The following SH3BGRL variants were observed in gnomAD, a reference collection of about 807,000 sequenced individuals.
SH3BGRL encodes the protein adapter SH3BGRL.
In SH3BGRL, 7 loss-of-function variants were observed where a neutral mutation model predicts 9.8. That is an observed-to-expected ratio of 0.72 (90% confidence interval 0.41 to 1.35). The LOEUF (loss-of-function observed/expected upper bound fraction) is 1.35, where lower values mean the gene tolerates loss of function less well. Among genes scored for constraint, SH3BGRL ranks in the 40% most tolerant of loss-of-function variants. SH3BGRL has a pLI of 0.01. For missense variants in SH3BGRL, 73 were observed against 84.4 expected (o/e 0.86, Z 0.53); for synonymous variants, 36 against 29.1 (o/e 1.24, Z -0.76).
At chrX:81,258,626 T>C (rs1377826425) in intron 1 of SH3BGRL, among the ~76,000 whole-genome samples, 2 of 112,515 alleles carry the variant, frequency 1.8e-5, no homozygotes, top group Non-Finnish European at 3.8e-5. Context: ...GGGAGAATTA[T>C]CTTCTCTTCA....
chrX:81,272,187 A>G (rs1350596960), intron 1 of SH3BGRL, among the ~76,000 whole-genome samples: 1 of 58,372 alleles, frequency 1.7e-5, no homozygotes, highest in African/African-American at 6.7e-5. Context: ...ACAGAGTGAG[A>G]CTGCGTCCAA....
intron 1 of SH3BGRL, among the ~76,000 whole-genome samples, chrX:81,249,990 T>C (rs1195322388): frequency 9.0e-6 from 1 of 110,962 alleles, no homozygotes; most frequent in African/African-American, 3.3e-5. Flanking sequence ...TAAAATAAAT[T>C]TAAAAAATAT....
In SH3BGRL at chrX:81,210,846, C is replaced by A. The variant is rs141499533; in HGVS notation, c.45+8601C>A. 3.7e-3 allele frequency among the ~76,000 whole-genome samples: 419 copies of A among 112,093 alleles called. 1 individual carries two copies. The highest frequency in any genetic ancestry group is 0.012 in the African/African-American group (381 of 30,820). On this transcript the variant is annotated intron_variant, in intron 1 of 3. Transcript: ENST00000373212. ...TAGCAATACGTGGTCTATAGAAATA[C>A]TAAGGATAATTCTGGTGGTCTGTTA...
At chrX:81,235,803 A>G (rs141918825) in intron 1 of SH3BGRL, among the ~76,000 whole-genome samples, 407 of 111,468 alleles carry the variant, frequency 3.7e-3, no homozygotes, top group African/African-American at 0.012. Context: ...ACATAACTCA[A>G]TCAACTAACT....
At chrX:81,209,077 G>A (rs1446430394) in intron 1 of SH3BGRL, among the ~76,000 whole-genome samples, 3 of 100,878 alleles carry the variant, frequency 3.0e-5, no homozygotes. Context: ...GCATGATCTT[G>A]GCTCACTGCA....
At chrX:81,225,865 A>G (rs893003209) in intron 1 of SH3BGRL, among the ~76,000 whole-genome samples, 29 of 112,029 alleles carry the variant, frequency 2.6e-4, no homozygotes, top group Admixed American at 5.7e-4. Context: ...TTGGCAGTAC[A>G]TTATTTCTTC....
At chrX:81,276,931 C>T in intron 1 of SH3BGRL, 53 bp from the exon 2 acceptor site, 1 of 1,058,333 alleles carries the variant, frequency 9.4e-7, no homozygotes, top group Non-Finnish European at 1.3e-6. Flanking sequence ...AGCTCACAAA[C>T]ATTTGACTTT....
At chrX:81,223,462 T>C (rs1485759406) in intron 1 of SH3BGRL, among the ~76,000 whole-genome samples, 1 of 111,306 alleles carries the variant, frequency 9.0e-6, no homozygotes, top group African/African-American at 3.3e-5. Flanking sequence ...ACTGATAAAA[T>C]ACTCAACTCT....
At chrX:81,237,236 A>G (rs1339599599) in intron 1 of SH3BGRL, 3 of 348,094 alleles carry the variant, frequency 8.6e-6, no homozygotes, top group Non-Finnish European at 1.1e-5. Context: ...TTTAACAACT[A>G]TCTACATGCA....
At position 81,297,251 on chromosome X, in the gene SH3BGRL, A is replaced by G. The variant is rs1193901146; in HGVS notation, c.*24A>G. 1 of 1,164,542 alleles carries G rather than the reference A, an allele frequency of 8.6e-7. No homozygotes were observed. The highest frequency in any genetic ancestry group is 1.2e-6 in the Non-Finnish European group (1 of 856,972). ...GAACCTTAAGCACTGTGCTTTAAGC[A>G]TCCTGAAAAATGAGTCTCCATTGCT... On this transcript the variant is annotated 3_prime_UTR_variant, in exon 4 of 4. Transcript: ENST00000373212.
chrX:81,288,847 G>T (rs1001390094), intron 3 of SH3BGRL, among the ~76,000 whole-genome samples: 7 of 111,080 alleles, frequency 6.3e-5, no homozygotes, highest in Non-Finnish European at 1.1e-4. Context: ...ACATTAAAAT[G>T]TTCATACTGT....
chrX:81,286,691 T>A (rs1602629509), intron 3 of SH3BGRL, among the ~76,000 whole-genome samples: 1 of 110,184 alleles, frequency 9.1e-6, no homozygotes, highest in South Asian at 3.9e-4. Flanking sequence ...GGGTATATAA[T>A]GATTTAGTAG....
At chrX:81,218,667 GTA>G (rs762835108) in intron 1 of SH3BGRL, among the ~76,000 whole-genome samples, 100 of 98,752 alleles carry the variant, frequency 1.0e-3, no homozygotes, top group South Asian at 1.8e-3. Flanking sequence ...ATATCTGTAT[GTA>G]TATATATATA....
intron 1 of SH3BGRL, among the ~76,000 whole-genome samples, chrX:81,257,894 A>G (rs947694996): frequency 1.8e-5 from 2 of 110,619 alleles, no homozygotes; most frequent in Admixed American, 1.9e-4. Flanking sequence ...AACATCTATG[A>G]ATTGATTTTT....
rs182258713 is a variant in SH3BGRL, at chrX:81,268,000, C to T, written c.46-8984C>T. Among the ~76,000 whole-genome samples, 102 of 111,787 alleles carry T rather than the reference C, an allele frequency of 9.1e-4. 1 individual carries two copies. Among genetic ancestry groups the T allele is most frequent in the African/African-American group, 3.0e-3 (91 of 30,795 alleles). ...TCTTTTAGATTTTCTAGTTTATTTT[C>T]GTAGAGGTGTTTATAGTATTCTCTG... On this transcript the variant is annotated intron_variant, in intron 1 of 3. Coordinates refer to ENST00000373212, the MANE Select transcript of SH3BGRL (RefSeq NM_003022.3).
At chrX:81,209,019 T>G (rs893125035) in intron 1 of SH3BGRL, among the ~76,000 whole-genome samples, 1 of 103,068 alleles carries the variant, frequency 9.7e-6, no homozygotes. Context: ...TTTTTTTTTT[T>G]TTTTTTAAGA....
chrX:81,227,345 T>A (rs191280281), intron 1 of SH3BGRL, among the ~76,000 whole-genome samples: 1 of 112,315 alleles, frequency 8.9e-6, no homozygotes, highest in Admixed American at 9.5e-5. Flanking sequence ...GTTTCCTATT[T>A]AACAGTTGCA....
intron 1 of SH3BGRL, among the ~76,000 whole-genome samples, chrX:81,271,912 T>C (rs2075781093): frequency 9.0e-6 from 1 of 111,367 alleles, no homozygotes; most frequent in Non-Finnish European, 1.9e-5. Flanking sequence ...AAGCCAATGG[T>C]GGCTGGGCAT....
chrX:81,263,874 A>G (rs192712752), intron 1 of SH3BGRL, among the ~76,000 whole-genome samples: 1 of 109,270 alleles, frequency 9.2e-6, no homozygotes, highest in East Asian at 2.9e-4. Context: ...TATCTTCCAC[A>G]CTAACTTTGC....
Sources: gnomAD v4.1 joint callset for allele counts (sites outside exome capture counted in the v4.1 genomes callset) on GRCh38, gnomAD v4.1.1 for gene constraint, MANE v1.5 for transcripts, NCBI Gene and HGNC (gene_info 2026-07-23, HGNC 2026-07-21) for gene names.